CCN6: variants seen among roughly 807,000 people sequenced by gnomAD.
CCN6 encodes CCN family member 6.
In CCN6, 31 loss-of-function variants were observed where a neutral mutation model predicts 37.4. The ratio of observed to expected loss-of-function variants is 0.83; its 90% confidence interval spans 0.62 to 1.12. The LOEUF is 1.12. Among genes scored for constraint, CCN6 ranks in the 50% most tolerant of loss-of-function variants. CCN6 has a pLI of 0.00. For missense variants in CCN6, 369 were observed against 413.8 expected, an observed-to-expected ratio of 0.89 and a Z score of 0.94; for synonymous variants, 137 against 142.1, an observed-to-expected ratio of 0.96 and a Z score of 0.26.
At position 112,065,610 on chromosome 6, in the gene CCN6, GCA is replaced by G. The variant is rs782694395; in HGVS notation, c.589+623_589+624del. Among the ~76,000 whole-genome samples, 33 of 141,230 alleles carry G rather than the reference GCA, an allele frequency of 2.3e-4. No individual in the cohort carries two copies. In the East Asian group the frequency reaches 3.7e-3, roughly 16 times the overall value. 92.7% of individuals were successfully genotyped at this position (141,230 alleles called of 152,430 possible). ...CACGCACACACACACAAACACACAC[GCA>G]CACACACACGCACGCACACACACAC... On this transcript the variant is annotated intron_variant, in intron 3 of 4. Coordinates refer to ENST00000368666, the MANE Select transcript of CCN6 (RefSeq NM_198239.2).
chr6:112,064,304 ACT>A (rs1776614279), intron 2 of CCN6, among the ~76,000 whole-genome samples: 2 of 151,968 alleles, frequency 1.3e-5, no homozygotes. Flanking sequence ...AGGAAGGGAA[ACT>A]CTCCTGCAAT....
chr6:112,065,095 G>C (rs1488675894), intron 3 of CCN6, 98 bp downstream of exon 3: 1 of 1,569,696 alleles, frequency 6.4e-7, no homozygotes, highest in Non-Finnish European at 8.7e-7. Flanking sequence ...CTTGTTGATT[G>C]GTGGTCAGAG....
intron 3 of CCN6, 66 bp from the exon 4 acceptor site, chr6:112,068,138 TA>T: frequency 3.9e-6 from 5 of 1,279,884 alleles, no homozygotes; most frequent in South Asian, 1.5e-5. Context: ...TAAACATGAT[TA>T]AAAATTATCT....
upstream of CCN6, chr6:112,054,098 T>G (rs1583568723): frequency 1.6e-6 from 1 of 636,818 alleles, no homozygotes; most frequent in East Asian, 2.8e-5. Flanking sequence ...AGGAAAGTGC[T>G]CGCCCATTCC....
At chr6:112,053,862 TG>T (rs3840528), upstream of CCN6, among the ~76,000 whole-genome samples, 10 of 74,504 alleles carry the variant, frequency 1.3e-4, no homozygotes, top group East Asian at 9.3e-4. Context: ...TGGGTGCTGT[TG>T]GTGGGGGGGC....
In CCN6 at chr6:112,068,386, A is replaced by G; in HGVS notation, c.771A>G (p.Leu257=). Residue 257 remains leucine, a synonymous_variant, in exon 4 of 5, where the codon TTA becomes TTG. Transcript: ENST00000368666. ...CYIQPCDSNI[L]KTIKIPKGKT... is the part of the protein sequence containing the mutation. ...TTCAGCCTTGCGACAGCAATATATT[A>G]AAGACAATAAAGGTAAAGTTTAAAT... 1.2e-6 allele frequency: 2 copies of G among 1,610,712 alleles called. No homozygotes were observed. Among genetic ancestry groups the G allele is most frequent in the African/African-American group, 1.3e-5 (1 of 74,878 alleles).
chr6:112,054,206 C>T lies in CCN6; in HGVS notation c.-152C>T. ...GGATCCTTAAAAATGAAAGTGCAGGCTGAAAGTTGGTAGTGTGGGAGGTAG... is the reference window on the plus strand; with the variant it reads ...GGATCCTTAAAAATGAAAGTGCAGGTTGAAAGTTGGTAGTGTGGGAGGTAG... On this transcript the variant is annotated 5_prime_UTR_variant, in exon 1 of 5. Coordinates refer to ENST00000368666, the MANE Select transcript of CCN6 (RefSeq NM_198239.2). 9.7e-7 allele frequency: 1 copy of T among 1,027,304 alleles called. No homozygotes were observed. Among genetic ancestry groups the T allele is most frequent in the East Asian group, 2.4e-5 (1 of 42,154 alleles). 63.6% of individuals were successfully genotyped at this position (1,027,304 alleles called of 1,614,324 possible).
intron 3 of CCN6, among the ~76,000 whole-genome samples, chr6:112,067,915 A>G (rs1554314378): frequency 6.6e-6 from 1 of 152,144 alleles, no homozygotes; most frequent in Non-Finnish European, 1.5e-5. Flanking sequence ...TTTAGTATTC[A>G]GAGGACAGGC....
upstream of CCN6, among the ~76,000 whole-genome samples, chr6:112,053,868 G>C (rs1246395365): frequency 3.3e-5 from 5 of 150,900 alleles, no homozygotes; most frequent in African/African-American, 4.9e-5. Flanking sequence ...CTGTTGGTGG[G>C]GGGGCCAGGC....
chr6:112,060,897 T>A, intron 1 of CCN6, 94 bp from the exon 2 acceptor site: 1 of 1,441,210 alleles, frequency 6.9e-7, no homozygotes. Flanking sequence ...AACTCACCAC[T>A]CTGTATACTA....
chr6:112,053,723 G>C (rs1224920633), upstream of CCN6, among the ~76,000 whole-genome samples: 1 of 152,120 alleles, frequency 6.6e-6, no homozygotes, highest in Non-Finnish European at 1.5e-5. Flanking sequence ...CCTGGCATGA[G>C]AAAGGTGTTG....
At chr6:112,056,150 C>G (rs938796476) in intron 1 of CCN6, among the ~76,000 whole-genome samples, 1 of 152,048 alleles carries the variant, frequency 6.6e-6, no homozygotes, top group African/African-American at 2.4e-5. Context: ...TTATATTTAC[C>G]CACATATTGA....
At chr6:112,066,465 C>T (rs1554313995) in intron 3 of CCN6, among the ~76,000 whole-genome samples, 1 of 152,054 alleles carries the variant, frequency 6.6e-6, no homozygotes, top group Admixed American at 6.5e-5. Context: ...TTCACTTTGA[C>T]CTTGGTTGGG....
At chr6:112,060,123 AG>A (rs1255968227) in intron 1 of CCN6, 2 of 1,348,168 alleles carry the variant, frequency 1.5e-6, no homozygotes, top group Non-Finnish European at 2.0e-6. Context: ...TAATATGGGG[AG>A]GGGGGACCAC....
At chr6:112,059,515 C>G (rs1776446907) in intron 1 of CCN6, among the ~76,000 whole-genome samples, 2 of 152,150 alleles carry the variant, frequency 1.3e-5, no homozygotes, top group African/African-American at 4.8e-5. Flanking sequence ...TCTTCTCTGA[C>G]ATGCCTGCCT....
intron 4 of CCN6, 28 bp downstream of exon 4, chr6:112,068,426 TCA>T: frequency 6.4e-7 from 1 of 1,563,542 alleles, no homozygotes; most frequent in Non-Finnish European, 8.7e-7. Flanking sequence ...TTAACTTAAT[TCA>T]ATATTAAGAG....
chr6:112,069,362 AC>A lies in CCN6; in HGVS notation c.809del (p.Pro270LeufsTer43). On this transcript the variant is annotated frameshift_variant, in exon 5 of 5. Transcript: ENST00000368666. LOFTEE classifies it high-confidence loss of function. ...IKIPKGKTCQ[P>X]TFQLSKAEKF... ...AGATTCCCAAAGGAAAAACATGCCA[AC>A]CTACTTTCCAACTCTCCAAAGCTGA... 6.2e-7 allele frequency: 1 copy of A among 1,613,370 alleles called. No individual in the cohort carries two copies. The highest frequency in any genetic ancestry group is 8.5e-7 in the Non-Finnish European group (1 of 1,179,758).
At chr6:112,060,014 T>A (rs781987496) in intron 1 of CCN6, 1 of 1,365,302 alleles carries the variant, frequency 7.3e-7, no homozygotes, top group Non-Finnish European at 9.8e-7. Context: ...GAGTGAGCCA[T>A]GAAGATATCT....
rs782587457 is a variant in CCN6 at position 112,069,498 on chromosome 6, A to G, written c.943A>G (p.Ile315Val). The G allele has an allele frequency of 1.2e-5, 19 of 1,613,632 alleles. No homozygotes were observed. The African/African-American group carries it at 2.4e-4, about 20-fold the overall frequency. ...CCCTAATAAGTCTAAAATGATTACT[A>G]TTCAATTTGATTGCCCAAATGAGGG... ...CIPNKSKMIT[I>V]QFDCPNEGSF... Residue 315 changes from isoleucine (I) to valine (V), a missense_variant, in exon 5 of 5, where the codon ATT (isoleucine) becomes GTT (valine). Transcript: ENST00000368666.
Sources: allele counts gnomAD v4.1 joint callset (sites outside exome capture counted in the v4.1 genomes callset), GRCh38; gene constraint gnomAD v4.1.1; transcripts MANE v1.5; gene names NCBI Gene and HGNC (gene_info 2026-07-23, HGNC 2026-07-21).